The following CFAP74 variants were observed in gnomAD, a reference collection of about 807,000 sequenced individuals.
CFAP74 encodes the protein cilia and flagella associated protein 74.
CFAP74 carries 124 observed loss-of-function variants against 188.9 expected under a neutral mutation model. The observed-to-expected ratio is 0.66, with a 90% confidence interval of 0.57 to 0.76. CFAP74 has a LOEUF of 0.76. CFAP74 is among the 30% of genes least tolerant of loss of function. The pLI is 0.00. For missense variants in CFAP74, 2,198 were observed against 2,165.2 expected, an observed-to-expected ratio of 1.02 and a Z score of -0.30; for synonymous variants, 956 against 916.7, an observed-to-expected ratio of 1.04 and a Z score of -0.77.
chr1:1,926,779 T>C lies in CFAP74; in HGVS notation c.3663-18A>G. On this transcript the variant is annotated intron_variant, in intron 29 of 38. Transcript: ENST00000682832. ...TGTGGGGGCTGGGATAGGAAGGGCA[T>C]GCTGAGGGCAGGGTGGGCGGCCCCC... 1 of 1,548,884 alleles carries C rather than the reference T, an allele frequency of 6.5e-7. No individual in the cohort carries two copies. The highest frequency in any genetic ancestry group is 8.7e-7 in the Non-Finnish European group (1 of 1,145,920).
chr1:1,985,707 A>G (rs1458502594), intron 5 of CFAP74, among the ~76,000 whole-genome samples: 1 of 152,170 alleles, frequency 6.6e-6, no homozygotes. Context: ...AGGGGGAGTG[A>G]GGGCTTGGGG....
intron 25 of CFAP74, among the ~76,000 whole-genome samples, chr1:1,936,228 A>G (rs1652885018): frequency 6.7e-6 from 1 of 149,716 alleles, no homozygotes; most frequent in Admixed American, 6.6e-5. Flanking sequence ...AAAAAAAAAA[A>G]AAAGAAAAAA....
Position 1,968,958 on chromosome 1 carries a change from C to G in CFAP74, c.1047-125G>C, listed in dbSNP as rs1043032557. ...GGGGCTCCGGTCCTGCCCAGCAGCC[C>G]CAGGTGAGACAGCGCCTGGCGGCCC... On this transcript the variant is annotated intron_variant, in intron 10 of 38. Coordinates refer to ENST00000682832, the MANE Select transcript of CFAP74 (RefSeq NM_001304360.2). This position sits in a 1 kb window ranked among gnomAD's most constrained non-coding sequence, Gnocchi z 4.3. The G allele has an allele frequency of 8.9e-5, 42 of 473,856 alleles. No homozygotes were observed. In the Middle Eastern group the frequency reaches 2.8e-3, roughly 31 times the overall value. The allele number at this position is 473,856 out of a possible 1,614,324, so 29.4% of individuals were successfully genotyped here. A position where few individuals can be genotyped will look rare whatever the true frequency, so the allele number is the denominator to read the frequency against.
chr1:1,991,077 A>C (rs1394184400), intron 1 of CFAP74, 102 bp from the exon 2 acceptor site: 1 of 745,484 alleles, frequency 1.3e-6, no homozygotes, highest in African/African-American at 1.8e-5. Context: ...AACAAACGAC[A>C]GATTAGGAAA....
At chr1:1,929,865 G>A (rs1652221880) in intron 26 of CFAP74, among the ~76,000 whole-genome samples, 195 bp downstream of exon 26, 1 of 152,082 alleles carries the variant, frequency 6.6e-6, no homozygotes, top group Non-Finnish European at 1.5e-5. Flanking sequence ...GATGGGGGTG[G>A]CCTTGGGCCC....
At chr1:1,969,553 A>C (rs1024928140) in intron 10 of CFAP74, among the ~76,000 whole-genome samples, 1 of 151,856 alleles carries the variant, frequency 6.6e-6, no homozygotes, top group Non-Finnish European at 1.5e-5. Context: ...CCAAGCCCTT[A>C]TTTCTAGGCT....
At chr1:1,928,509 T>A (rs1381412159) in intron 27 of CFAP74, among the ~76,000 whole-genome samples, 1 of 152,160 alleles carries the variant, frequency 6.6e-6, no homozygotes, top group Non-Finnish European at 1.5e-5. Context: ...CTTCATTGCA[T>A]CCGCTGCACC....
intron 28 of CFAP74, 40 bp downstream of exon 28, chr1:1,927,567 C>T (rs1164099216): frequency 7.2e-6 from 11 of 1,530,474 alleles, no homozygotes; most frequent in Admixed American, 2.0e-5. Context: ...ACCAGAGGGG[C>T]CTGGAGGGAA....
At chr1:1,956,536 A>G (rs1423897485) in intron 17 of CFAP74, 84 bp downstream of exon 17, 3 of 1,537,858 alleles carry the variant, frequency 2.0e-6, no homozygotes, top group Non-Finnish European at 2.7e-6. Context: ...TGATACCCTC[A>G]TGTTGTCACC....
chr1:1,966,311 G>A (rs1655463916), intron 12 of CFAP74, 60 bp downstream of exon 12: 5 of 1,404,418 alleles, frequency 3.6e-6, no homozygotes, highest in Non-Finnish European at 4.7e-6. Flanking sequence ...GGGAGGTGGC[G>A]AGCCGGCGAC....
chr1:1,926,617 CG>C, intron 30 of CFAP74, 34 bp downstream of exon 30: 1 of 1,545,824 alleles, frequency 6.5e-7, no homozygotes. Flanking sequence ...GCCTGGGCAC[CG>C]GGGTGGAGGT....
chr1:1,929,939 CG>C, intron 26 of CFAP74, 120 bp downstream of exon 26: 1 of 1,164,790 alleles, frequency 8.6e-7, no homozygotes, highest in East Asian at 2.6e-5. Context: ...GGTTCACTCC[CG>C]CCCCTGTTCT....
rs766755786 is a variant in CFAP74 at position 1,923,038 on chromosome 1, T to C, written c.4630A>G (p.Thr1544Ala). 1 of 1,606,296 alleles carries C rather than the reference T, an allele frequency of 6.2e-7. No individual in the cohort carries two copies. Among genetic ancestry groups the C allele is most frequent in the Admixed American group, 1.7e-5 (1 of 57,748 alleles). Reference protein sequence around the residue: ...FDTDTPAPPATRELQVGCIRT... With the variant: ...FDTDTPAPPAARELQVGCIRT... ...ATACAGCCCACCTGCAGCTCTCGGG[T>C]GGCAGGTGGGGCTGGCGTGTCTGTG... The change falls in exon 37 of 39, where the codon ACC (threonine) becomes GCC (alanine). Residue 1544 changes from threonine to alanine, a missense_variant. Coordinates refer to ENST00000682832, the MANE Select transcript of CFAP74 (RefSeq NM_001304360.2). The surrounding 1 kb of genome is among the most constrained non-coding windows in gnomAD (Gnocchi z 6.3).
At chr1:1,969,313 CTGCCCAGCCCTGCCT>C (rs1255210780) in intron 10 of CFAP74, among the ~76,000 whole-genome samples, 7 of 141,642 alleles carry the variant, frequency 4.9e-5, no homozygotes, top group Non-Finnish European at 7.8e-5. Context: ...CAGCCCTGCA[CTGCCCAGCCCTGCCT>C]TGCCCAGCCC....
At chr1:1,928,055 C>T (rs1361614144) in intron 27 of CFAP74, 5 of 422,780 alleles carry the variant, frequency 1.2e-5, no homozygotes, top group African/African-American at 6.1e-5. Flanking sequence ...CGCGGAAGGC[C>T]GAAGGCAAGT....
chr1:1,938,045 T>C (rs1031307384), intron 25 of CFAP74, among the ~76,000 whole-genome samples: 5 of 104,252 alleles, frequency 4.8e-5, no homozygotes, highest in East Asian at 3.4e-4. Context: ...CACACATACA[T>C]GCACTCACAC....
At chr1:1,964,777 G>A in intron 13 of CFAP74, 111 bp downstream of exon 13, 2 of 1,155,956 alleles carry the variant, frequency 1.7e-6, no homozygotes, top group South Asian at 2.7e-5. Context: ...GCGACAGAGT[G>A]AGACTCCATC....
Position 1,927,688 on chromosome 1 carries a change from A to C in CFAP74, c.3446T>G (p.Leu1149Arg). The change falls in exon 28 of 39, where the codon CTT becomes CGT. Residue 1149 changes from leucine (L) to arginine (R), a missense_variant. Transcript: ENST00000682832. ...CAGCTTGTCGCGGTTCTGTGCTCGA[A>C]GAACGGAGAATGACAGTCCATGCAG... ...KDLHGLSFSV[L>R]RAQNRDKLFK... The C allele has an allele frequency of 6.5e-7, 1 of 1,550,204 alleles. No homozygotes were observed. The highest frequency in any genetic ancestry group is 8.7e-7 in the Non-Finnish European group (1 of 1,146,852).
At chr1:1,987,365 C>T (rs74046277) in intron 4 of CFAP74, among the ~76,000 whole-genome samples, 3,374 of 152,218 alleles carry the variant, frequency 0.022, 136 homozygotes, top group African/African-American at 0.076. Context: ...AGGTCTGGGG[C>T]CCACGGGAGG....
Sources: allele counts gnomAD v4.1 joint callset (sites outside exome capture counted in the v4.1 genomes callset), GRCh38; gene constraint gnomAD v4.1.1; non-coding constraint Gnocchi (gnomAD v3.1); transcripts MANE v1.5; gene names NCBI Gene and HGNC (gene_info 2026-07-23, HGNC 2026-07-21).